TOM1L1: variants seen among roughly 807,000 people sequenced by gnomAD.
TOM1L1 encodes target of myb1 like 1 membrane trafficking protein.
Under a neutral mutation model 63.4 loss-of-function variants are expected in TOM1L1, and 64 were observed. The observed-to-expected ratio is 1.01, with a 90% confidence interval of 0.83 to 1.24. The LOEUF is 1.24. TOM1L1 is among the 50% of genes most tolerant of loss of function. The pLI is 0.00. For missense variants in TOM1L1, 536 were observed against 567.0 expected (o/e 0.95, Z 0.55); for synonymous variants, 166 against 194.4 (o/e 0.85, Z 1.22).
intron 8 of TOM1L1, among the ~76,000 whole-genome samples, chr17:54,936,130 A>T (rs2048942182): frequency 6.6e-6 from 1 of 152,128 alleles, no homozygotes; most frequent in African/African-American, 2.4e-5. Context: ...TCTCAAAAAA[A>T]AAAAAACCAC....
chr17:54,959,888 A>G (rs1027155693), intron 14 of TOM1L1, among the ~76,000 whole-genome samples: 9 of 151,570 alleles, frequency 5.9e-5, no homozygotes, highest in Non-Finnish European at 1.0e-4. Context: ...GAGTGCTGGG[A>G]TTATAGGTGT....
intron 3 of TOM1L1, among the ~76,000 whole-genome samples, chr17:54,909,949 G>A (rs948841202): frequency 2.0e-5 from 3 of 152,166 alleles, no homozygotes; most frequent in African/African-American, 7.2e-5. Flanking sequence ...TGAGTTGGAG[G>A]GTGAAAGAGG....
chr17:54,917,280 A>G (rs1205840381), intron 7 of TOM1L1: 1 of 152,156 alleles, frequency 6.6e-6, no homozygotes, highest in Non-Finnish European at 1.5e-5. Flanking sequence ...CTTTAAGACG[A>G]TGAAACTTCC....
intron 8 of TOM1L1, among the ~76,000 whole-genome samples, chr17:54,931,960 G>GT (rs1567832256): frequency 1.6e-4 from 9 of 57,794 alleles, no homozygotes; most frequent in South Asian, 6.1e-4. Flanking sequence ...TTTTTTTTTT[G>GT]TTTGTTTGTT....
At chr17:54,909,287 G>A (rs565279611) in intron 3 of TOM1L1, among the ~76,000 whole-genome samples, 1 of 152,244 alleles carries the variant, frequency 6.6e-6, no homozygotes, top group East Asian at 1.9e-4. Context: ...ACAAAACCAT[G>A]TGGTTGTCCC....
intron 7 of TOM1L1, among the ~76,000 whole-genome samples, chr17:54,927,485 A>C (rs1046750084): frequency 1.3e-5 from 2 of 152,200 alleles, no homozygotes; most frequent in African/African-American, 4.8e-5. Context: ...TCTGGATATC[A>C]GAAGAGGAAG....
At chr17:54,933,679 C>T (rs150215892) in intron 8 of TOM1L1, among the ~76,000 whole-genome samples, 2,305 of 152,216 alleles carry the variant, frequency 0.015, 59 homozygotes, top group African/African-American at 0.051. Context: ...TGTACCACCA[C>T]GCCCAGCTAA....
At chr17:54,907,560 G>A (rs2048431998) in intron 3 of TOM1L1, among the ~76,000 whole-genome samples, 1 of 152,168 alleles carries the variant, frequency 6.6e-6, no homozygotes, top group Non-Finnish European at 1.5e-5. Flanking sequence ...ACAGGGCCAG[G>A]TATATCAGAT....
At chr17:54,943,978 A>C (rs1056969010) in intron 11 of TOM1L1, among the ~76,000 whole-genome samples, 1 of 141,194 alleles carries the variant, frequency 7.1e-6, no homozygotes, top group African/African-American at 2.7e-5. Context: ...ACTCTGTCTC[A>C]AATAAATAAA....
At chr17:54,949,672 ATATGAGTCTG>A in intron 13 of TOM1L1, 49 bp downstream of exon 13, 1 of 1,410,232 alleles carries the variant, frequency 7.1e-7, no homozygotes, top group South Asian at 1.2e-5. Flanking sequence ...TTATGAGAAT[ATATGAGTCTG>A]CCAGAGATTC....
chr17:54,920,877 A>C (rs1254093958), intron 7 of TOM1L1, among the ~76,000 whole-genome samples: 1 of 152,208 alleles, frequency 6.6e-6, no homozygotes, highest in Non-Finnish European at 1.5e-5. Flanking sequence ...CCTCATCCCT[A>C]GAGAGGAGGA....
chr17:54,936,639 A>C lies in TOM1L1; in HGVS notation c.855-10A>C. ...TTTTAAAAACACATGCATTTTGATC[A>C]TTTAAACAGGTTTACTAGAAACCAA... On this transcript the variant is annotated splice_polypyrimidine_tract_variant and intron_variant, in intron 8 of 15. Coordinates refer to ENST00000575882, the MANE Select transcript of TOM1L1 (RefSeq NM_005486.3). 1 of 1,593,364 alleles carries C rather than the reference A, an allele frequency of 6.3e-7. No individual in the cohort carries two copies. Among genetic ancestry groups the C allele is most frequent in the African/African-American group, 1.4e-5 (1 of 73,676 alleles).
chr17:54,903,567 A>T (rs987897506), intron 1 of TOM1L1, 141 bp from the exon 2 acceptor site: 16 of 725,272 alleles, frequency 2.2e-5, no homozygotes, highest in Middle Eastern at 3.5e-4. Context: ...ATTACTGAGA[A>T]CTGTTCCAAA....
chr17:54,921,321 G>GT (rs1335546698), intron 7 of TOM1L1, among the ~76,000 whole-genome samples: 2 of 152,134 alleles, frequency 1.3e-5, no homozygotes, highest in Non-Finnish European at 2.9e-5. Context: ...AGGATATTGA[G>GT]TACAGTGCTG....
intron 3 of TOM1L1, among the ~76,000 whole-genome samples, chr17:54,911,094 C>A (rs1361656280): frequency 6.6e-6 from 1 of 152,172 alleles, no homozygotes; most frequent in African/African-American, 2.4e-5. Context: ...AGTATTGGTT[C>A]ATTCTTTCTT....
chr17:54,914,231 G>T (rs889605794), intron 5 of TOM1L1, among the ~76,000 whole-genome samples: 1 of 152,108 alleles, frequency 6.6e-6, no homozygotes, highest in Admixed American at 6.5e-5. Flanking sequence ...CCCAAGGAGG[G>T]TCATTGATGG....
chr17:54,932,092 G>A (rs182962797), intron 8 of TOM1L1, among the ~76,000 whole-genome samples: 148 of 151,944 alleles, frequency 9.7e-4, no homozygotes, highest in African/African-American at 2.4e-3. Flanking sequence ...AGGACGAGCC[G>A]CAGACAAAAC....
At chr17:54,942,211 C>G (rs1019514254) in intron 11 of TOM1L1, 1 of 151,990 alleles carries the variant, frequency 6.6e-6, no homozygotes, top group Non-Finnish European at 1.5e-5. Flanking sequence ...AGTCTCCTGC[C>G]TCAGCCTCCC....
intron 11 of TOM1L1, among the ~76,000 whole-genome samples, chr17:54,940,372 G>C (rs1245249015): frequency 1.3e-5 from 2 of 152,206 alleles, no homozygotes; most frequent in Non-Finnish European, 2.9e-5. Context: ...GTTGGCTATG[G>C]AAAGACAGTT....
Sources: gnomAD v4.1 joint callset for allele counts (sites outside exome capture counted in the v4.1 genomes callset) on GRCh38, gnomAD v4.1.1 for gene constraint, MANE v1.5 for transcripts, NCBI Gene and HGNC (gene_info 2026-07-23, HGNC 2026-07-21) for gene names.